The following GNAS-AS1 variants were observed in gnomAD, a reference collection of about 807,000 sequenced individuals.
The protein encoded by GNAS-AS1 is GNAS antisense RNA 1 (non-protein coding).
chr20:58,824,074 C>G (rs1379490931), intron 4 of GNAS-AS1: 1 of 398,662 alleles, frequency 2.5e-6, no homozygotes, highest in Non-Finnish European at 4.4e-6. Flanking sequence ...TCAACATATC[C>G]TAAAAGAACC....
Position 58,841,697 on chromosome 20 carries a change from C to A in GNAS-AS1, n.819+240G>T. 3.3e-6 allele frequency: 4 copies of A among 1,205,538 alleles called. No individual in the cohort carries two copies. The highest frequency in any genetic ancestry group is 1.6e-5 in the African/African-American group (1 of 63,992). 74.7% of individuals were successfully genotyped at this position (1,205,538 alleles called of 1,614,324 possible). ...GGAAAGGTAGAGGAGGTAAGGGGAC[C>A]CTTGGGGATGCCCCTACGGGCTACC... On this transcript the variant is annotated intron_variant and non_coding_transcript_variant, in intron 4 of 4. Coordinates refer to ENST00000424094, the Ensembl canonical transcript of GNAS-AS1. This position sits in a 1 kb window ranked among gnomAD's most constrained non-coding sequence, Gnocchi z 5.0.
rs778743536 is a variant in GNAS-AS1, at chr20:58,840,867, C to G, written n.819+1070G>C. 3 of 1,612,780 alleles carry G rather than the reference C, an allele frequency of 1.9e-6. No homozygotes were observed. Among genetic ancestry groups the G allele is most frequent in the Middle Eastern group, 3.3e-4 (2 of 6,062 alleles). ...TAATGGAGGACGCCGTCCAGATTCT[C>G]CTTGTTTTCATGGATTCAGGTTAGT... On this transcript the variant is annotated intron_variant and non_coding_transcript_variant, in intron 4 of 4. Transcript: ENST00000424094. This position sits in a 1 kb window ranked among gnomAD's most constrained non-coding sequence, Gnocchi z 6.0.
intron 2 of GNAS-AS1, among the ~76,000 whole-genome samples, chr20:58,845,875 T>A (rs1466018684): frequency 1.3e-5 from 2 of 152,234 alleles, no homozygotes; most frequent in Non-Finnish European, 2.9e-5. Context: ...GGACTCTGCC[T>A]GCAACTATTC....
chr20:58,839,433 T>C, intron 4 of GNAS-AS1: 1 of 400,162 alleles, frequency 2.5e-6, no homozygotes, highest in Non-Finnish European at 4.4e-6. Flanking sequence ...CTGTGTTTAT[T>C]TCCCCAATAA....
rs775092519 is a variant in GNAS-AS1, at chr20:58,841,498, A to C, written n.819+439T>G. On this transcript the variant is annotated intron_variant and non_coding_transcript_variant, in intron 4 of 4. Coordinates refer to ENST00000424094, the Ensembl canonical transcript of GNAS-AS1. This position sits in a 1 kb window ranked among gnomAD's most constrained non-coding sequence, Gnocchi z 5.0. ...AGCCCAGGTCCCAGAGCTGACAATTAAGCCGCGGGACCTCCGCGCCAGTGC... is the reference window on the plus strand; with the variant it reads ...AGCCCAGGTCCCAGAGCTGACAATTCAGCCGCGGGACCTCCGCGCCAGTGC... The C allele has an allele frequency of 6.4e-4, 629 of 990,538 alleles. 1 individual carries two copies. The highest frequency in any genetic ancestry group is 7.3e-4 in the Non-Finnish European group (609 of 833,820). 61.4% of individuals were successfully genotyped at this position (990,538 alleles called of 1,614,324 possible).
intron 4 of GNAS-AS1, among the ~76,000 whole-genome samples, chr20:58,830,397 TCACTGCCA>T (rs2085552376): frequency 1.6e-4 from 5 of 30,542 alleles, no homozygotes; most frequent in Admixed American, 3.6e-4. Flanking sequence ...ACCACCACCA[TCACTGCCA>T]CACCACCATC....
exon 1 of GNAS-AS1, chr20:58,850,803 T>G: frequency 2.5e-6 from 1 of 398,758 alleles, no homozygotes. Context: ...GCGCTAGCGG[T>G]CCTCGTGGTC....
chr20:58,826,136 G>A (rs2085518650), intron 4 of GNAS-AS1: 3 of 398,646 alleles, frequency 7.5e-6, no homozygotes, highest in Non-Finnish European at 1.3e-5. Flanking sequence ...GCACACTGAA[G>A]TCTATTTAAA....
At position 58,840,867 on chromosome 20, in the gene GNAS-AS1, C is replaced by T. The variant is rs778743536; in HGVS notation, n.819+1070G>A. ...TAATGGAGGACGCCGTCCAGATTCT[C>T]CTTGTTTTCATGGATTCAGGTTAGT... On this transcript the variant is annotated intron_variant and non_coding_transcript_variant, in intron 4 of 4. Coordinates refer to ENST00000424094, the Ensembl canonical transcript of GNAS-AS1. This position sits in a 1 kb window ranked among gnomAD's most constrained non-coding sequence, Gnocchi z 6.0. 1.9e-6 allele frequency: 3 copies of T among 1,612,662 alleles called. No homozygotes were observed. The highest frequency in any genetic ancestry group is 2.5e-6 in the Non-Finnish European group (3 of 1,179,958).
chr20:58,843,078 T>A (rs2085799516), intron 2 of GNAS-AS1, among the ~76,000 whole-genome samples: 1 of 152,180 alleles, frequency 6.6e-6, no homozygotes, highest in Admixed American at 6.5e-5. Flanking sequence ...AGGGGCAATC[T>A]AGGAACACAC....
chr20:58,841,562 G>A lies in GNAS-AS1; in HGVS notation n.819+375C>T, dbSNP rs1391596593. 4.0e-6 allele frequency: 4 copies of A among 999,172 alleles called. No individual in the cohort carries two copies. Among genetic ancestry groups the A allele is most frequent in the East Asian group, 2.1e-4 (2 of 9,678 alleles). 61.9% of individuals were successfully genotyped at this position (999,172 alleles called of 1,614,324 possible). ...GCGCCAGCCTTGGCCGCCACAGCCC[G>A]CCTCCCGTCGCTCGCGGGACAGAGA... On this transcript the variant is annotated intron_variant and non_coding_transcript_variant, in intron 4 of 4. Coordinates refer to ENST00000424094, the Ensembl canonical transcript of GNAS-AS1. The surrounding 1 kb of genome is among the most constrained non-coding windows in gnomAD (Gnocchi z 5.0).
chr20:58,842,714 G>C (rs1233256735), intron 2 of GNAS-AS1, among the ~76,000 whole-genome samples: 2 of 152,200 alleles, frequency 1.3e-5, no homozygotes, highest in Non-Finnish European at 2.9e-5. Context: ...GGCTTTCTGT[G>C]ACATTAAGTG....
chr20:58,843,808 T>C (rs1057354647), intron 2 of GNAS-AS1, among the ~76,000 whole-genome samples: 4 of 152,204 alleles, frequency 2.6e-5, no homozygotes, highest in Admixed American at 1.3e-4. Flanking sequence ...ACTGAACTTA[T>C]CTGAGCTGGG....
intron 4 of GNAS-AS1, among the ~76,000 whole-genome samples, chr20:58,819,667 C>G (rs532289908): frequency 1.3e-5 from 2 of 152,306 alleles, no homozygotes; most frequent in East Asian, 3.9e-4. Context: ...TTTTCTGAAG[C>G]CCTCTGGCTG....
At position 58,841,820 on chromosome 20, in the gene GNAS-AS1, C is replaced by T; in HGVS notation, n.819+117G>A. On this transcript the variant is annotated intron_variant and non_coding_transcript_variant, in intron 4 of 4. Transcript: ENST00000424094. The surrounding 1 kb of genome is among the most constrained non-coding windows in gnomAD (Gnocchi z 5.0). Reference sequence around the variant, plus strand: ...CTGCATGCGGCTTAGCAGGAGACGTCCTGGGCTGTTTGCGCAGGACCTCTG... The same window carrying T: ...CTGCATGCGGCTTAGCAGGAGACGTTCTGGGCTGTTTGCGCAGGACCTCTG... The T allele has an allele frequency of 1.6e-6, 2 of 1,230,908 alleles. No individual in the cohort carries two copies. The highest frequency in any genetic ancestry group is 2.0e-6 in the Non-Finnish European group (2 of 987,974). The allele number at this position is 1,230,908 out of a possible 1,614,324, so 76.2% of individuals were successfully genotyped here.
In GNAS-AS1 at chr20:58,850,487, C is replaced by T. The variant is rs561382585; in HGVS notation, n.374+43G>A. On this transcript the variant is annotated intron_variant and non_coding_transcript_variant, in intron 1 of 4. Coordinates refer to ENST00000424094, the Ensembl canonical transcript of GNAS-AS1. ...AAAGCAAACAACCCCTTTGGAGCAC[C>T]CATGGCAGCCTCCCTGGGGCTCCAA... The T allele has an allele frequency of 4.0e-3, 1,580 of 398,354 alleles. 6 individuals carry two copies. The highest frequency in any genetic ancestry group is 5.3e-3 in the Non-Finnish European group (1,190 of 226,182). 24.7% of individuals were successfully genotyped at this position (398,354 alleles called of 1,614,324 possible). A position where few individuals can be genotyped will look rare whatever the true frequency, so the allele number is the denominator to read the frequency against.
intron 4 of GNAS-AS1, chr20:58,819,386 T>G (rs1568895817): frequency 2.5e-6 from 1 of 397,494 alleles, no homozygotes; most frequent in Non-Finnish European, 4.4e-6. Flanking sequence ...CAACTTGATA[T>G]CTTGCTTCCA....
chr20:58,842,662 T>G (rs1443627159), intron 2 of GNAS-AS1: 3 of 396,516 alleles, frequency 7.6e-6, no homozygotes, highest in African/African-American at 2.1e-5. Flanking sequence ...GGCTTGCCCC[T>G]AAGTCGAAAT....
At chr20:58,826,636 GA>G (rs1276562758) in intron 4 of GNAS-AS1, 1 of 152,246 alleles carries the variant, frequency 6.6e-6, no homozygotes, top group African/African-American at 2.4e-5. Flanking sequence ...TATAATCGGG[GA>G]GAGATGCATG....
Sources: gnomAD v4.1 joint callset for allele counts (sites outside exome capture counted in the v4.1 genomes callset) on GRCh38, gnomAD v4.1.1 for gene constraint, Gnocchi (gnomAD v3.1) non-coding constraint, MANE v1.5 for transcripts, NCBI Gene and HGNC (gene_info 2026-07-23, HGNC 2026-07-21) for gene names.